The following NSUN6 variants were observed in gnomAD, a reference collection of about 807,000 sequenced individuals.
NSUN6 encodes the protein tRNA (cytosine(72)-C(5))-methyltransferase NSUN6.
In NSUN6, 64 loss-of-function variants were observed where a neutral mutation model predicts 58.0. That is an observed-to-expected ratio of 1.10 (90% confidence interval 0.90 to 1.36). The LOEUF (loss-of-function observed/expected upper bound fraction) is 1.36. Ranked by LOEUF, NSUN6 falls within the 40% of genes most tolerant of loss-of-function variation. The pLI, the probability that NSUN6 is intolerant of heterozygous loss-of-function variation, is 0.00. For synonymous variants in NSUN6, 231 were observed against 193.9 expected, an observed-to-expected ratio of 1.19 and a Z score of -1.59; for missense variants, 701 against 550.1, an observed-to-expected ratio of 1.27 and a Z score of -2.74.
upstream of NSUN6, chr10:18,658,772 G>T: frequency 5.9e-6 from 2 of 338,648 alleles, no homozygotes; most frequent in Non-Finnish European, 4.2e-6. Flanking sequence ...GGAAGTCGAG[G>T]CAGGAAGATC....
At chr10:18,609,812 G>A (rs2058168846) in intron 6 of NSUN6, 33 bp downstream of exon 6, 1 of 1,118,966 alleles carries the variant, frequency 8.9e-7, no homozygotes. Flanking sequence ...ATGTTTCAAT[G>A]TCACTAAATA....
chr10:18,655,604 C>T (rs2059768384), upstream of NSUN6, among the ~76,000 whole-genome samples: 1 of 152,064 alleles, frequency 6.6e-6, no homozygotes, highest in Non-Finnish European at 1.5e-5. Context: ...GTGAAGATTT[C>T]AGGTGTTTAG....
chr10:18,631,601 A>G, intron 3 of NSUN6, among the ~76,000 whole-genome samples: 4 of 137,568 alleles, frequency 2.9e-5, no homozygotes, highest in Admixed American at 7.6e-5. Flanking sequence ...GCATTCTTAT[A>G]CACCAACAAC....
chr10:18,624,224 A>C (rs1483579191), intron 3 of NSUN6, among the ~76,000 whole-genome samples: 4 of 152,096 alleles, frequency 2.6e-5, no homozygotes, highest in Non-Finnish European at 2.9e-5. Flanking sequence ...ATAAGGATTT[A>C]CAAGCAGAAA....
intron 9 of NSUN6, among the ~76,000 whole-genome samples, chr10:18,549,628 C>T (rs2054485552): frequency 6.6e-6 from 1 of 152,090 alleles, no homozygotes; most frequent in African/African-American, 2.4e-5. Context: ...TCTAGAATAG[C>T]GTCTTACATA....
At chr10:18,575,303 T>C (rs1307573919) in intron 8 of NSUN6, among the ~76,000 whole-genome samples, 13 of 152,208 alleles carry the variant, frequency 8.5e-5, no homozygotes, top group Non-Finnish European at 1.9e-4. Context: ...TAAAGGAATC[T>C]GGGCTTAAGT....
chr10:18,608,241 A>G (rs1021197903), intron 6 of NSUN6, among the ~76,000 whole-genome samples: 1 of 152,252 alleles, frequency 6.6e-6, no homozygotes, highest in African/African-American at 2.4e-5. Flanking sequence ...TCATAAAGTC[A>G]TCATTAAACT....
At chr10:18,658,396 A>T (rs938835181), upstream of NSUN6, 1 of 152,404 alleles carries the variant, frequency 6.6e-6, no homozygotes, top group African/African-American at 2.4e-5. Flanking sequence ...CTGAAGTCAG[A>T]GTCTAAAAAA....
intron 7 of NSUN6, among the ~76,000 whole-genome samples, 193 bp from the exon 8 acceptor site, chr10:18,586,286 C>T (rs766687084): frequency 2.0e-5 from 3 of 152,168 alleles, no homozygotes; most frequent in Non-Finnish European, 4.4e-5. Flanking sequence ...GGTTCTTGGT[C>T]TCGCTGACCT....
chr10:18,567,054 C>T (rs2056010789), intron 8 of NSUN6, among the ~76,000 whole-genome samples: 2 of 150,630 alleles, frequency 1.3e-5, no homozygotes. Context: ...CTATTCCTTT[C>T]TCCATTCTAT....
intron 8 of NSUN6, among the ~76,000 whole-genome samples, chr10:18,573,082 C>T (rs2056464456): frequency 6.6e-6 from 1 of 150,862 alleles, no homozygotes; most frequent in Non-Finnish European, 1.5e-5. Context: ...TTCTCCGTTC[C>T]ACTCCATTCC....
intron 8 of NSUN6, among the ~76,000 whole-genome samples, chr10:18,576,625 T>C (rs1196945692): frequency 1.3e-5 from 2 of 152,230 alleles, no homozygotes; most frequent in Non-Finnish European, 2.9e-5. Flanking sequence ...CCGAGGGCCA[T>C]CCAGCTTCCA....
At chr10:18,620,221 G>C (rs1031562002) in intron 3 of NSUN6, among the ~76,000 whole-genome samples, 5 of 151,896 alleles carry the variant, frequency 3.3e-5, no homozygotes, top group African/African-American at 1.2e-4. Flanking sequence ...CTGAGTAGCT[G>C]AGACTACAGG....
At chr10:18,652,935 C>T, upstream of NSUN6, 1 of 984,866 alleles carries the variant, frequency 1.0e-6, no homozygotes, top group Non-Finnish European at 1.2e-6. Flanking sequence ...AATAAAAAGC[C>T]AGGATAAAGA....
Position 18,589,191 on chromosome 10 carries a change from G to T in NSUN6, c.778-3098C>A, listed in dbSNP as rs189656201. Reference sequence around the variant, plus strand: ...ATCAGAGACTGAAGATCACCTTGCTGAAATAAGGCATAAAGACAAGATTAG... The same window carrying T: ...ATCAGAGACTGAAGATCACCTTGCTTAAATAAGGCATAAAGACAAGATTAG... On this transcript the variant is annotated intron_variant, in intron 7 of 10. Coordinates refer to ENST00000377304, the MANE Select transcript of NSUN6 (RefSeq NM_182543.5). Among the ~76,000 whole-genome samples the T allele has an allele frequency of 1.6e-4, 25 of 152,284 alleles. No individual in the cohort carries two copies. In the East Asian group the frequency reaches 4.4e-3, roughly 27 times the overall value.
upstream of NSUN6, chr10:18,653,239 C>T: frequency 4.1e-6 from 4 of 984,254 alleles, no homozygotes; most frequent in Non-Finnish European, 4.8e-6. Context: ...ATAATGGGCA[C>T]TCAAATACTT....
Position 18,651,275 on chromosome 10 carries a change from A to C in NSUN6, c.-72T>G. On this transcript the variant is annotated 5_prime_UTR_variant, in exon 1 of 11. It adds an upstream start codon to the 5' untranslated region. Coordinates refer to ENST00000377304, the MANE Select transcript of NSUN6 (RefSeq NM_182543.5). ...TGTTTTGTTTTTTTTTTTCTTTCCG[A>C]ATTAATAGTGACGAGTGTCTTGACA... 1 of 1,480,006 alleles carries C rather than the reference A, an allele frequency of 6.8e-7. No homozygotes were observed. The highest frequency in any genetic ancestry group is 8.9e-7 in the Non-Finnish European group (1 of 1,122,362). The allele number at this position is 1,480,006 out of a possible 1,614,324, so 91.7% of individuals were successfully genotyped here. A position where few individuals can be genotyped will look rare whatever the true frequency, so the allele number is the denominator to read the frequency against.
At chr10:18,648,755 A>G in intron 1 of NSUN6, 110 bp from the exon 2 acceptor site, 2 of 634,634 alleles carry the variant, frequency 3.2e-6, no homozygotes, top group South Asian at 2.1e-5. Flanking sequence ...GTTCAGCTCC[A>G]TTCTATTTTG....
chr10:18,640,167 G>A (rs2059347959), intron 3 of NSUN6, among the ~76,000 whole-genome samples: 1 of 152,296 alleles, frequency 6.6e-6, no homozygotes, highest in East Asian at 1.9e-4. Flanking sequence ...GCAAATTGCA[G>A]AACATTGTAA....
Sources: allele counts gnomAD v4.1 joint callset (sites outside exome capture counted in the v4.1 genomes callset), GRCh38; gene constraint gnomAD v4.1.1; transcripts MANE v1.5; gene names NCBI Gene and HGNC (gene_info 2026-07-23, HGNC 2026-07-21).